DCDC1: variants seen among roughly 807,000 people sequenced by gnomAD.
DCDC1 encodes the protein doublecortin domain-containing protein 1.
A neutral mutation model predicts 178.3 loss-of-function variants in DCDC1; 200 were observed. The observed-to-expected ratio is 1.12, with a 90% CI of 1.00 to 1.26. The LOEUF is 1.26. Ranked by LOEUF, DCDC1 falls within the 50% of genes most tolerant of loss-of-function variation. The pLI is 0.00. For synonymous variants in DCDC1, 690 were observed against 604.8 expected, an observed-to-expected ratio of 1.14 and a Z score of -2.07; for missense variants, 1,983 against 1,749.2, an observed-to-expected ratio of 1.13 and a Z score of -2.38.
chr11:31,101,170 T>G (rs2135729936), intron 15 of DCDC1, among the ~76,000 whole-genome samples: 1 of 152,278 alleles, frequency 6.6e-6, no homozygotes, highest in Admixed American at 6.5e-5. Context: ...GCCCAATTGA[T>G]AGGAAGTCCT....
At chr11:31,218,948 A>T (rs1973910117) in intron 9 of DCDC1, among the ~76,000 whole-genome samples, 1 of 152,182 alleles carries the variant, frequency 6.6e-6, no homozygotes, top group African/African-American at 2.4e-5. Flanking sequence ...GTGCTGCTTT[A>T]AAGTAATGAG....
intron 20 of DCDC1, among the ~76,000 whole-genome samples, chr11:31,006,462 A>G (rs1012707538): frequency 8.5e-5 from 13 of 152,190 alleles, no homozygotes; most frequent in African/African-American, 3.1e-4. Flanking sequence ...GTATCAGCTC[A>G]TGGTCTGCAA....
At chr11:30,949,753 G>T (rs1246363229) in intron 21 of DCDC1, among the ~76,000 whole-genome samples, 5 of 143,924 alleles carry the variant, frequency 3.5e-5, no homozygotes, top group African/African-American at 1.3e-4. Flanking sequence ...ACTAACAGAA[G>T]AACAGAAAAC....
chr11:31,120,225 A>T (rs552818478), intron 11 of DCDC1, among the ~76,000 whole-genome samples: 9 of 152,296 alleles, frequency 5.9e-5, no homozygotes, highest in Admixed American at 5.9e-4. Context: ...AGAACACTAT[A>T]ACTAAACAAT....
intron 18 of DCDC1, among the ~76,000 whole-genome samples, chr11:31,074,812 A>G (rs1044720381): frequency 2.0e-5 from 3 of 152,162 alleles, no homozygotes; most frequent in Non-Finnish European, 4.4e-5. Flanking sequence ...CAGGATAGAC[A>G]AAGCCTATAT....
At chr11:31,242,296 C>G (rs1436795810) in intron 8 of DCDC1, among the ~76,000 whole-genome samples, 1 of 151,960 alleles carries the variant, frequency 6.6e-6, no homozygotes, top group Non-Finnish European at 1.5e-5. Flanking sequence ...TGGGTATGTA[C>G]TGCAACATCC....
rs1159054003 is a variant in DCDC1 at position 30,864,654 on chromosome 11, G to C, written c.*719C>G. 6.6e-6 allele frequency: 1 copy of C among 152,216 alleles called. No individual in the cohort carries two copies. Among genetic ancestry groups the C allele is most frequent in the African/African-American group, 2.4e-5 (1 of 41,456 alleles). The allele number at this position is 152,216 out of a possible 1,614,324, so 9.4% of individuals were successfully genotyped here. ...TTTTATCAGTGAGCCCTTGTGGGTA[G>C]AGCTCTGTCCCAAGTAAATAAAACC... On this transcript the variant is annotated 3_prime_UTR_variant, in exon 39 of 39. Coordinates refer to ENST00000684477, the MANE Select transcript of DCDC1 (RefSeq NM_001387274.1).
At chr11:30,927,168 C>T (rs188816121) in intron 22 of DCDC1, among the ~76,000 whole-genome samples, 19 of 152,104 alleles carry the variant, frequency 1.2e-4, no homozygotes, top group Admixed American at 7.9e-4. Flanking sequence ...TGGCCTTCTC[C>T]GACAGCTGCC....
At chr11:31,234,775 G>A (rs1976249787) in intron 9 of DCDC1, among the ~76,000 whole-genome samples, 1 of 152,124 alleles carries the variant, frequency 6.6e-6, no homozygotes, top group Non-Finnish European at 1.5e-5. Context: ...GGTGAAGATA[G>A]AATGCTATGC....
chr11:31,254,349 G>A (rs1944273534), intron 8 of DCDC1, among the ~76,000 whole-genome samples: 1 of 152,166 alleles, frequency 6.6e-6, no homozygotes, highest in South Asian at 2.1e-4. Flanking sequence ...ATCACATAGT[G>A]AAGTTTCTTT....
In DCDC1 at chr11:31,101,331, T is replaced by C. The variant is rs564926269; in HGVS notation, c.1983+846A>G. Among the ~76,000 whole-genome samples the C allele has an allele frequency of 1.1e-4, 16 of 150,988 alleles. No homozygotes were observed. In the South Asian group the frequency reaches 1.7e-3, roughly 16 times the overall value. ...AAAATAAGTATTCCTTCTTTGGAGA[T>C]AGATTTAAAACGCCTTTCATAATTG... is the stretch of plus-strand genomic sequence containing the variant. On this transcript the variant is annotated intron_variant, in intron 15 of 38. Coordinates refer to ENST00000684477, the MANE Select transcript of DCDC1 (RefSeq NM_001387274.1).
In DCDC1 at chr11:31,249,985, C is replaced by T. The variant is rs144884769; in HGVS notation, c.1055-8369G>A. ...TATTTAATGAACAGAGAGAGAGATT[C>T]TTGCATGGAGAGAGATTCAAGCTCC... is the stretch of plus-strand genomic sequence containing the variant. On this transcript the variant is annotated intron_variant, in intron 8 of 38. Coordinates refer to ENST00000684477, the MANE Select transcript of DCDC1 (RefSeq NM_001387274.1). Among the ~76,000 whole-genome samples, 330 of 152,132 alleles carry T rather than the reference C, an allele frequency of 2.2e-3. 2 individuals carry two copies. The highest frequency in any genetic ancestry group is 7.3e-3 in the African/African-American group (302 of 41,520).
At chr11:31,217,092 C>T (rs916485362) in intron 9 of DCDC1, among the ~76,000 whole-genome samples, 1 of 152,120 alleles carries the variant, frequency 6.6e-6, no homozygotes, top group East Asian at 1.9e-4. Flanking sequence ...CCCTCCTCTA[C>T]ATTAAGCCTA....
intron 21 of DCDC1, among the ~76,000 whole-genome samples, chr11:30,945,998 T>C (rs1388796380): frequency 2.0e-5 from 3 of 152,084 alleles, no homozygotes; most frequent in East Asian, 1.9e-4. Flanking sequence ...TTCAATCAAA[T>C]TGAAGGTTCA....
intron 26 of DCDC1, among the ~76,000 whole-genome samples, chr11:30,916,323 G>A (rs755956807): frequency 4.4e-4 from 67 of 152,218 alleles, no homozygotes; most frequent in Non-Finnish European, 8.1e-4. Flanking sequence ...CCCCTACTAC[G>A]TGCATGGCCT....
At chr11:30,951,311 G>A (rs1948405189) in intron 21 of DCDC1, among the ~76,000 whole-genome samples, 1 of 152,026 alleles carries the variant, frequency 6.6e-6, no homozygotes, top group South Asian at 2.1e-4. Flanking sequence ...TAACAACAAT[G>A]GAAAGTAGAA....
chr11:30,914,642 A>G (rs1038012727), intron 27 of DCDC1, among the ~76,000 whole-genome samples: 2 of 151,186 alleles, frequency 1.3e-5, no homozygotes, highest in Non-Finnish European at 1.5e-5. Flanking sequence ...CAAAAAAAAA[A>G]AAAAAAAAAA....
chr11:31,321,992 A>C (rs1949389529), intron 3 of DCDC1, among the ~76,000 whole-genome samples: 1 of 152,248 alleles, frequency 6.6e-6, no homozygotes, highest in African/African-American at 2.4e-5. Context: ...GACACCTAAG[A>C]GAAGTTAATT....
At chr11:30,959,734 G>A (rs1033686782) in intron 20 of DCDC1, among the ~76,000 whole-genome samples, 6 of 152,116 alleles carry the variant, frequency 3.9e-5, no homozygotes, top group African/African-American at 9.7e-5. Context: ...GCCTCTTGGG[G>A]CAAACTTTGA....
Sources: allele counts gnomAD v4.1 joint callset (sites outside exome capture counted in the v4.1 genomes callset), GRCh38; gene constraint gnomAD v4.1.1; transcripts MANE v1.5; gene names NCBI Gene and HGNC (gene_info 2026-07-23, HGNC 2026-07-21).